Variants in CTNND2 observed in about 807,000 individuals in gnomAD.
CTNND2 encodes catenin delta-2.
Under a neutral mutation model 144.4 loss-of-function variants are expected in CTNND2, and 22 were observed. That is an observed-to-expected ratio of 0.15 (90% CI 0.11 to 0.22). CTNND2 has a LOEUF of 0.22. Ranked by LOEUF, CTNND2 falls within the 10% of genes least tolerant of loss-of-function variation. The pLI, the probability that CTNND2 is intolerant of heterozygous loss-of-function variation, is 1.00. For missense variants in CTNND2, 1,353 were observed against 1,618.8 expected, an observed-to-expected ratio of 0.84 and a Z score of 2.82; for synonymous variants, 751 against 695.6, an observed-to-expected ratio of 1.08 and a Z score of -1.25.
At chr5:11,091,593 T>A (rs1377296830) in intron 15 of CTNND2, among the ~76,000 whole-genome samples, 2 of 152,216 alleles carry the variant, frequency 1.3e-5, no homozygotes, top group African/African-American at 2.4e-5. Context: ...TAAAGCTTTG[T>A]TCTAGGATGC....
chr5:11,722,842 A>C (rs1786763925), intron 2 of CTNND2, among the ~76,000 whole-genome samples: 1 of 152,232 alleles, frequency 6.6e-6, no homozygotes, highest in South Asian at 2.1e-4. Flanking sequence ...GTGAGGACAC[A>C]GCCAAACCAT....
chr5:11,277,922 C>T (rs1192473027), intron 9 of CTNND2, among the ~76,000 whole-genome samples: 4 of 152,130 alleles, frequency 2.6e-5, no homozygotes, highest in African/African-American at 9.7e-5. Flanking sequence ...TAGCTCCGGT[C>T]TCTCTCTCAG....
intron 12 of CTNND2, among the ~76,000 whole-genome samples, chr5:11,128,741 T>TA (rs1554049706): frequency 3.2e-5 from 2 of 61,980 alleles, no homozygotes; most frequent in Non-Finnish European, 5.1e-5. Context: ...ATATATATAT[T>TA]TATATATATT....
intron 9 of CTNND2, among the ~76,000 whole-genome samples, chr5:11,259,120 T>C (rs1418084258): frequency 6.6e-6 from 1 of 152,210 alleles, no homozygotes. Flanking sequence ...GTGAGCCTTG[T>C]ACCATCAGTT....
At chr5:11,355,491 A>G (rs1354934802) in intron 8 of CTNND2, among the ~76,000 whole-genome samples, 7 of 152,174 alleles carry the variant, frequency 4.6e-5, no homozygotes, top group Non-Finnish European at 8.8e-5. Flanking sequence ...AAAAACTCTC[A>G]ACAAATTAGG....
intron 2 of CTNND2, among the ~76,000 whole-genome samples, chr5:11,673,965 T>A (rs1449650719): frequency 6.6e-6 from 1 of 152,110 alleles, no homozygotes; most frequent in African/African-American, 2.4e-5. Context: ...AAGTCCTGGG[T>A]ATATTCAACC....
chr5:11,367,924 C>A (rs139402288), intron 7 of CTNND2, among the ~76,000 whole-genome samples: 1 of 152,138 alleles, frequency 6.6e-6, no homozygotes, highest in Non-Finnish European at 1.5e-5. Flanking sequence ...GACCAATTAC[C>A]GCAACAATTC....
intron 2 of CTNND2, among the ~76,000 whole-genome samples, chr5:11,672,598 C>T (rs1313094403): frequency 6.6e-6 from 1 of 152,144 alleles, no homozygotes; most frequent in Non-Finnish European, 1.5e-5. Context: ...CCATTCAAGC[C>T]TCAGCAATGG....
At chr5:11,307,183 T>C (rs1327173976) in intron 9 of CTNND2, among the ~76,000 whole-genome samples, 1 of 152,228 alleles carries the variant, frequency 6.6e-6, no homozygotes, top group Admixed American at 6.5e-5. Flanking sequence ...ATAGTAATTC[T>C]TTCCACATCC....
At chr5:11,387,312 G>T (rs1040592655) in intron 6 of CTNND2, among the ~76,000 whole-genome samples, 1 of 152,020 alleles carries the variant, frequency 6.6e-6, no homozygotes, top group Non-Finnish European at 1.5e-5. Context: ...AACAAACTCT[G>T]GGGGAGGGGC....
At chr5:11,672,614 G>A (rs1327892580) in intron 2 of CTNND2, among the ~76,000 whole-genome samples, 5 of 152,106 alleles carry the variant, frequency 3.3e-5, no homozygotes, top group Non-Finnish European at 7.3e-5. Context: ...AATGGCGGAC[G>A]CCCCTCCCCC....
chr5:11,823,480 A>T (rs867258112), intron 1 of CTNND2, among the ~76,000 whole-genome samples: 4 of 152,332 alleles, frequency 2.6e-5, no homozygotes, highest in South Asian at 2.1e-4. Context: ...CTGGTGGCCA[A>T]ATTGTTAATC....
intron 1 of CTNND2, among the ~76,000 whole-genome samples, chr5:11,843,578 T>C (rs1161462215): frequency 1.3e-5 from 2 of 152,176 alleles, no homozygotes; most frequent in East Asian, 1.9e-4. Flanking sequence ...GTAGCAAGAC[T>C]GTCAACAGAG....
At chr5:11,611,647 A>T (rs1298513309) in intron 2 of CTNND2, among the ~76,000 whole-genome samples, 1 of 152,118 alleles carries the variant, frequency 6.6e-6, no homozygotes, top group African/African-American at 2.4e-5. Flanking sequence ...GCATGGTGGC[A>T]TGTGCTTATA....
rs1049037513 is a variant in CTNND2, at chr5:11,320,571, G to T, written c.1628+25801C>A. ...ATTAATTGGACTTACAGTTCCACAT[G>T]GCTGGGTGGGGGCCTCACAACCATG... On this transcript the variant is annotated intron_variant, in intron 9 of 21. Coordinates refer to ENST00000304623, the MANE Select transcript of CTNND2 (RefSeq NM_001332.4). Among the ~76,000 whole-genome samples, 5 of 152,328 alleles carry T rather than the reference G, an allele frequency of 3.3e-5. No homozygotes were observed. The East Asian group carries it at 9.6e-4, about 29-fold the overall frequency.
At chr5:11,641,675 T>C (rs1782022919) in intron 2 of CTNND2, among the ~76,000 whole-genome samples, 1 of 135,870 alleles carries the variant, frequency 7.4e-6, no homozygotes, top group South Asian at 2.2e-4. Flanking sequence ...TATACGTGTG[T>C]ATATACATAT....
chr5:11,584,797 C>T (rs1778712368), intron 2 of CTNND2, among the ~76,000 whole-genome samples: 1 of 152,042 alleles, frequency 6.6e-6, no homozygotes. Flanking sequence ...ATTCTTAGGA[C>T]CCTAAAGATA....
intron 3 of CTNND2, among the ~76,000 whole-genome samples, chr5:11,459,190 T>C (rs1765987734): frequency 6.6e-6 from 1 of 152,220 alleles, no homozygotes; most frequent in Admixed American, 6.5e-5. Flanking sequence ...TTTGTTATTA[T>C]TGTTGTTATA....
At chr5:11,821,550 A>G (rs1279814685) in intron 1 of CTNND2, among the ~76,000 whole-genome samples, 1 of 152,176 alleles carries the variant, frequency 6.6e-6, no homozygotes, top group Non-Finnish European at 1.5e-5. Context: ...AAAAAATTTC[A>G]TCTGATCCTG....
Sources: gnomAD v4.1 joint callset for allele counts (sites outside exome capture counted in the v4.1 genomes callset) on GRCh38, gnomAD v4.1.1 for gene constraint, MANE v1.5 for transcripts, NCBI Gene and HGNC (gene_info 2026-07-23, HGNC 2026-07-21) for gene names.